The following FNIP2 variants were observed in gnomAD, a reference collection of about 807,000 sequenced individuals.
The protein encoded by FNIP2 is folliculin interacting protein 2, also known as folliculin-interacting protein 2.
In FNIP2, 32 loss-of-function variants were observed where a neutral mutation model predicts 108.7. That is an observed-to-expected ratio of 0.29 (90% confidence interval 0.22 to 0.40). The LOEUF (loss-of-function observed/expected upper bound fraction) is 0.40. Among genes scored for constraint, FNIP2 ranks in the 10% least tolerant of loss-of-function variants. FNIP2 has a pLI of 1.00. For missense variants in FNIP2, 1,202 were observed against 1,381.6 expected, an observed-to-expected ratio of 0.87 and a Z score of 2.06; for synonymous variants, 480 against 496.7, an observed-to-expected ratio of 0.97 and a Z score of 0.45.
chr4:158,781,152 G>A (rs1404340729), intron 1 of FNIP2, among the ~76,000 whole-genome samples: 2 of 152,114 alleles, frequency 1.3e-5, no homozygotes, highest in Admixed American at 6.5e-5. Flanking sequence ...ATACAAAACA[G>A]TAGTTCAGGA....
intron 1 of FNIP2, among the ~76,000 whole-genome samples, chr4:158,784,360 A>G (rs182000153): frequency 2.0e-5 from 3 of 152,330 alleles, no homozygotes; most frequent in African/African-American, 7.2e-5. Flanking sequence ...CCTTTAAACC[A>G]GTGGTCCCCA....
intron 3 of FNIP2, 106 bp downstream of exon 3, chr4:158,829,331 A>G (rs1001142020): frequency 2.0e-6 from 2 of 1,008,474 alleles, no homozygotes; most frequent in Non-Finnish European, 2.8e-6. Flanking sequence ...CAGGAATATG[A>G]GGACAAGTAT....
chr4:158,829,737 T>C (rs543933657), intron 3 of FNIP2, among the ~76,000 whole-genome samples: 2 of 152,012 alleles, frequency 1.3e-5, no homozygotes, highest in South Asian at 4.2e-4. Context: ...TGTGTGTGTG[T>C]ATAAGGATAG....
chr4:158,843,799 G>C (rs938153695), intron 7 of FNIP2, among the ~76,000 whole-genome samples: 6 of 152,212 alleles, frequency 3.9e-5, no homozygotes, highest in Non-Finnish European at 1.5e-5. Flanking sequence ...TGATGGGATT[G>C]TTTCCACATG....
rs1778309849 is a variant in FNIP2, at chr4:158,828,962, G to A, written c.235-117G>A. On this transcript the variant is annotated intron_variant, in intron 2 of 16. Transcript: ENST00000264433. ...TTATTGGGGAAAAAAAAAAGCTTCT[G>A]TTTTTTAATGCAACCTAGGCACCAG... 4.8e-6 allele frequency: 4 copies of A among 825,750 alleles called. No homozygotes were observed. The East Asian group carries it at 9.1e-5, about 19-fold the overall frequency. 51.2% of individuals were successfully genotyped at this position (825,750 alleles called of 1,614,324 possible).
intron 12 of FNIP2, among the ~76,000 whole-genome samples, chr4:158,862,598 A>G (rs1332547151): frequency 6.6e-6 from 1 of 152,260 alleles, no homozygotes; most frequent in African/African-American, 2.4e-5. Context: ...GGATTACGAT[A>G]GTTAAGAATA....
chr4:158,791,822 C>T (rs1161211653), intron 1 of FNIP2, among the ~76,000 whole-genome samples: 2 of 152,114 alleles, frequency 1.3e-5, no homozygotes, highest in African/African-American at 4.8e-5. Flanking sequence ...CATCAGTAAT[C>T]TCGAGTGCAA....
chr4:158,834,439 C>T (rs1778682677), intron 6 of FNIP2: 1 of 152,038 alleles, frequency 6.6e-6, no homozygotes, highest in African/African-American at 2.4e-5. Flanking sequence ...GAGGAACCTC[C>T]ATTACTAACA....
chr4:158,790,279 G>T (rs1232359661), intron 1 of FNIP2, among the ~76,000 whole-genome samples: 1 of 151,230 alleles, frequency 6.6e-6, no homozygotes, highest in Non-Finnish European at 1.5e-5. Flanking sequence ...TGGAATATTT[G>T]TAAATACATT....
intron 14 of FNIP2, among the ~76,000 whole-genome samples, chr4:158,875,134 T>A (rs1003114088): frequency 6.6e-6 from 1 of 151,476 alleles, no homozygotes; most frequent in Admixed American, 6.6e-5. Flanking sequence ...TATATGCGTA[T>A]GTACTTAAAG....
intron 12 of FNIP2, among the ~76,000 whole-genome samples, chr4:158,862,339 C>T (rs572658317): frequency 6.6e-6 from 1 of 152,320 alleles, no homozygotes; most frequent in South Asian, 2.1e-4. Flanking sequence ...CTCATCCCTA[C>T]CCTTATTACT....
chr4:158,860,839 T>G (rs370476439), intron 10 of FNIP2, among the ~76,000 whole-genome samples: 3 of 152,004 alleles, frequency 2.0e-5, no homozygotes, highest in South Asian at 2.1e-4. Flanking sequence ...GTATTTTTAG[T>G]AGAGACGGGG....
chr4:158,875,086 CAAA>C (rs922681852), intron 14 of FNIP2, among the ~76,000 whole-genome samples: 3 of 107,050 alleles, frequency 2.8e-5, no homozygotes, highest in African/African-American at 1.1e-4. Flanking sequence ...GAGACTGTCT[CAAA>C]AAAAAAAAAA....
intron 1 of FNIP2, among the ~76,000 whole-genome samples, chr4:158,783,904 G>A (rs6536370): frequency 0.52 from 79,629 of 151,972 alleles, 22,504 homozygotes; most frequent in East Asian, 0.88. Context: ...GGACCTAACC[G>A]GTATGGATGG....
At chr4:158,897,001 C>T (rs1001994674) in intron 16 of FNIP2, among the ~76,000 whole-genome samples, 2 of 152,036 alleles carry the variant, frequency 1.3e-5, no homozygotes, top group Non-Finnish European at 2.9e-5. Context: ...CCCCAGCCCC[C>T]CACCCGCCAA....
chr4:158,859,757 T>C, intron 10 of FNIP2, 91 bp downstream of exon 10: 1 of 1,072,436 alleles, frequency 9.3e-7, no homozygotes, highest in Non-Finnish European at 1.4e-6. Context: ...ATTGGGGGCC[T>C]GGCAGTTATT....
intron 1 of FNIP2, among the ~76,000 whole-genome samples, chr4:158,772,079 C>A (rs761741736): frequency 2.0e-5 from 3 of 152,138 alleles, no homozygotes; most frequent in Non-Finnish European, 4.4e-5. Flanking sequence ...AGGATCTTGA[C>A]AGAAAGCCCT....
chr4:158,825,956 A>T lies in FNIP2; in HGVS notation c.148A>T (p.Ile50Leu), dbSNP rs1412105164. ...SEFDLNEIRL[I>L]VYQDCDRRGR... ...GTTTGACCTGAATGAGATTCGCCTG[A>T]TAGTTTACCAGGACTGTGACAGGAG... Residue 50 changes from isoleucine to leucine, a missense_variant, in exon 2 of 17, where the codon ATA (isoleucine) becomes TTA (leucine). By Grantham distance (5) the Ile-to-Leu change is conservative. This residue lies in a region of FNIP2 where 173 missense variants were observed against 165.9 expected (regional missense o/e 1.04). Transcript: ENST00000264433. 1 of 1,608,814 alleles carries T rather than the reference A, an allele frequency of 6.2e-7. No individual in the cohort carries two copies. Among genetic ancestry groups the T allele is most frequent in the African/African-American group, 1.3e-5 (1 of 74,844 alleles).
intron 12 of FNIP2, among the ~76,000 whole-genome samples, 151 bp downstream of exon 12, chr4:158,861,927 T>C (rs1043106150): frequency 4.6e-5 from 7 of 152,208 alleles, no homozygotes; most frequent in African/African-American, 7.2e-5. Flanking sequence ...TGGATTCTAA[T>C]TGTAGACCCA....
Sources: gnomAD v4.1 joint callset for allele counts (sites outside exome capture counted in the v4.1 genomes callset) on GRCh38, gnomAD v4.1.1 for gene constraint, gnomAD v4.1.1 regional missense constraint, MANE v1.5 for transcripts, NCBI Gene and HGNC (gene_info 2026-07-23, HGNC 2026-07-21) for gene names.